The following TTLL7 variants were observed in gnomAD, a reference collection of about 807,000 sequenced individuals.
The protein encoded by TTLL7 is tubulin polyglutamylase TTLL7.
In TTLL7, 53 loss-of-function variants were observed where a neutral mutation model predicts 120.2. That is an observed-to-expected ratio of 0.44 (90% CI 0.35 to 0.55). The LOEUF (loss-of-function observed/expected upper bound fraction) is 0.55, where lower values mean the gene tolerates loss of function less well. Ranked by LOEUF, TTLL7 falls within the 20% of genes least tolerant of loss-of-function variation. The pLI is 0.00. For synonymous variants in TTLL7, 353 were observed against 351.7 expected (o/e 1.00, Z -0.04); for missense variants, 803 against 1,054.7 (o/e 0.76, Z 3.31).
In TTLL7 at chr1:83,867,505, C is replaced by T. The variant is rs1553123816; in HGVS notation, c.*2457G>A. ...AATCAATTTGTGGGGTACTTTCATA[C>T]ATTTAAATTTACTCAGTTTTTAAAT... On this transcript the variant is annotated 3_prime_UTR_variant, in exon 21 of 21. Coordinates refer to ENST00000260505, the MANE Select transcript of TTLL7 (RefSeq NM_024686.6). 2.7e-5 allele frequency: 4 copies of T among 150,858 alleles called. No individual in the cohort carries two copies. Among genetic ancestry groups the T allele is most frequent in the Non-Finnish European group, 5.9e-5 (4 of 67,612 alleles). 9.3% of individuals were successfully genotyped at this position (150,858 alleles called of 1,614,324 possible). A position where few individuals can be genotyped will look rare whatever the true frequency, so the allele number is the denominator to read the frequency against.
At chr1:83,883,239 G>T (rs1654673859) in intron 19 of TTLL7, 103 bp from the exon 20 acceptor site, 1 of 868,204 alleles carries the variant, frequency 1.2e-6, no homozygotes, top group Non-Finnish European at 1.7e-6. Flanking sequence ...AATAGAAATG[G>T]TCTCATACAT....
chr1:83,914,620 G>A lies in TTLL7; in HGVS notation c.1587+2984C>T, dbSNP rs955089681. On this transcript the variant is annotated intron_variant, in intron 14 of 20. Coordinates refer to ENST00000260505, the MANE Select transcript of TTLL7 (RefSeq NM_024686.6). Reference sequence around the variant, plus strand: ...GCTGGGATTAGAGGCGTGAGCCACCGTGCTCTGCCTCTTCCACCTCTCTTA... The same window carrying A: ...GCTGGGATTAGAGGCGTGAGCCACCATGCTCTGCCTCTTCCACCTCTCTTA... Among the ~76,000 whole-genome samples, 6 of 151,960 alleles carry A rather than the reference G, an allele frequency of 3.9e-5. No individual in the cohort carries two copies. The South Asian group carries it at 8.3e-4, about 21-fold the overall frequency.
At chr1:83,995,868 C>A (rs761652541) in intron 1 of TTLL7, among the ~76,000 whole-genome samples, 9 of 151,942 alleles carry the variant, frequency 5.9e-5, no homozygotes, top group African/African-American at 9.7e-5. Context: ...TCAATAGTGA[C>A]AATGAGGAAC....
intron 10 of TTLL7, among the ~76,000 whole-genome samples, chr1:83,927,157 A>G (rs1472259378): frequency 6.6e-6 from 1 of 152,208 alleles, no homozygotes; most frequent in Admixed American, 6.5e-5. Context: ...CCTTGAGACT[A>G]AAAGCATATG....
chr1:83,871,084 A>G (rs2100689813), intron 20 of TTLL7, among the ~76,000 whole-genome samples: 1 of 150,068 alleles, frequency 6.7e-6, no homozygotes, highest in South Asian at 2.1e-4. Flanking sequence ...TAATATTTAT[A>G]TTACTCACTG....
At chr1:83,955,198 C>T (rs1332282105) in intron 1 of TTLL7, among the ~76,000 whole-genome samples, 1 of 152,078 alleles carries the variant, frequency 6.6e-6, no homozygotes, top group Non-Finnish European at 1.5e-5. Context: ...CTATCACAGG[C>T]CTTATTTTTA....
chr1:83,877,213 T>C (rs1654001454), intron 20 of TTLL7, among the ~76,000 whole-genome samples: 1 of 152,034 alleles, frequency 6.6e-6, no homozygotes, highest in Non-Finnish European at 1.5e-5. Flanking sequence ...CATCCTTACA[T>C]TGAGGCAATA....
rs184101488 is a variant in TTLL7, at chr1:83,937,999, A to G, written c.741T>C (p.His247=). ...GCTTGTTCACGGAGTAGTTTGTCAG[A>G]TGCATGTATAACTGGGTCTGTAACA... is the stretch of plus-strand genomic sequence containing the variant. The part of the protein sequence containing the change: ...NESNLTQLYM[H]LTNYSVNKHN... The change falls in exon 8 of 21, where the codon CAT becomes CAC. Residue 247 remains histidine, a synonymous_variant. Transcript: ENST00000260505. 8 of 1,614,028 alleles carry G rather than the reference A, an allele frequency of 5.0e-6. No homozygotes were observed. The African/African-American group carries it at 8.0e-5, about 16-fold the overall frequency.
At chr1:83,893,749 CTG>C (rs1655985359) in intron 18 of TTLL7, among the ~76,000 whole-genome samples, 1 of 152,106 alleles carries the variant, frequency 6.6e-6, no homozygotes, top group African/African-American at 2.4e-5. Context: ...TCACAGGGAA[CTG>C]TGTGAGCAGC....
intron 1 of TTLL7, among the ~76,000 whole-genome samples, chr1:83,982,406 T>G (rs950960063): frequency 2.6e-5 from 4 of 151,916 alleles, no homozygotes; most frequent in African/African-American, 9.7e-5. Flanking sequence ...GAAAAAAAAC[T>G]TATATAAATA....
intron 20 of TTLL7, chr1:83,880,368 G>A (rs1414554925): frequency 6.6e-6 from 1 of 151,928 alleles, no homozygotes; most frequent in African/African-American, 2.4e-5. Context: ...ACACTACAAT[G>A]ACAGAATCTA....
At chr1:83,961,092 A>C (rs1007633089) in intron 1 of TTLL7, among the ~76,000 whole-genome samples, 3 of 152,126 alleles carry the variant, frequency 2.0e-5, no homozygotes, top group Non-Finnish European at 4.4e-5. Flanking sequence ...CTTGACCTTG[A>C]GCAACAGTAA....
chr1:83,892,628 A>G (rs1655737690), intron 18 of TTLL7, among the ~76,000 whole-genome samples: 1 of 148,540 alleles, frequency 6.7e-6, no homozygotes. Flanking sequence ...ATATATGAAC[A>G]TATGAATGAA....
At position 83,870,013 on chromosome 1, in the gene TTLL7, A is replaced by C; in HGVS notation, c.2613T>G (p.Pro871=). 6.3e-7 allele frequency: 1 copy of C among 1,589,944 alleles called. No homozygotes were observed. Among genetic ancestry groups the C allele is most frequent in the Non-Finnish European group, 8.5e-7 (1 of 1,171,288 alleles). ...TPTYNLKYNS[P]GMTRSNVLFT... is the part of the protein sequence containing the mutation. The stretch of plus-strand genomic sequence containing the variant: ...ACAAAACATTGGAGCGAGTCATTCC[A>C]GGTGAATTGTACTTCAAGTTGTAGG... Residue 871 remains proline (P), a synonymous_variant, in exon 21 of 21, where the codon CCT becomes CCG. Coordinates refer to ENST00000260505, the MANE Select transcript of TTLL7 (RefSeq NM_024686.6).
intron 1 of TTLL7, among the ~76,000 whole-genome samples, chr1:83,974,326 C>T (rs1213923691): frequency 1.3e-5 from 2 of 151,690 alleles, no homozygotes; most frequent in Non-Finnish European, 2.9e-5. Context: ...AAGACTACGA[C>T]AAAATTAGTA....
chr1:83,947,896 C>T (rs891413449), intron 5 of TTLL7, among the ~76,000 whole-genome samples: 1 of 151,974 alleles, frequency 6.6e-6, no homozygotes, highest in Admixed American at 6.6e-5. Flanking sequence ...CAGTTTATCA[C>T]TCAACTTTCT....
rs1188473210 is a variant in TTLL7, at chr1:83,865,372, G to C, written c.*4590C>G. On this transcript the variant is annotated 3_prime_UTR_variant, in exon 21 of 21. Transcript: ENST00000260505. ...CAAGAATTGCTGTTAGCCTTTGAAA[G>C]AGAAATATCAGTGTTATTTCATTAC... The C allele has an allele frequency of 6.6e-6, 1 of 151,978 alleles. No homozygotes were observed. Among genetic ancestry groups the C allele is most frequent in the Admixed American group, 6.6e-5 (1 of 15,252 alleles). 9.4% of individuals were successfully genotyped at this position (151,978 alleles called of 1,614,324 possible).
chr1:83,874,427 T>G (rs1653723538), intron 20 of TTLL7, among the ~76,000 whole-genome samples: 2 of 152,110 alleles, frequency 1.3e-5, no homozygotes, highest in African/African-American at 4.8e-5. Context: ...ATAATGCTTC[T>G]GTGAACATTG....
chr1:83,949,762 C>T (rs1206020475), intron 4 of TTLL7, 103 bp downstream of exon 4: 9 of 1,324,772 alleles, frequency 6.8e-6, no homozygotes, highest in Non-Finnish European at 9.5e-6. Context: ...TGAGTAAGAG[C>T]TGAAATGTAA....
Sources: gnomAD v4.1 joint callset for allele counts (sites outside exome capture counted in the v4.1 genomes callset) on GRCh38, gnomAD v4.1.1 for gene constraint, MANE v1.5 for transcripts, NCBI Gene and HGNC (gene_info 2026-07-23, HGNC 2026-07-21) for gene names.